NBPF26: variants seen among roughly 807,000 people sequenced by gnomAD.
The protein encoded by NBPF26 is NBPF member 26.
In NBPF26, 79 loss-of-function variants were observed where a neutral mutation model predicts 119.6. That is an observed-to-expected ratio of 0.66 (90% CI 0.55 to 0.80). The LOEUF (loss-of-function observed/expected upper bound fraction) is 0.80. Ranked by LOEUF, NBPF26 falls within the 30% of genes least tolerant of loss-of-function variation. NBPF26 has a pLI of 0.00. For missense variants in NBPF26, 800 were observed against 1,198.2 expected, an observed-to-expected ratio of 0.67 and a Z score of 4.91; for synonymous variants, 299 against 457.7, an observed-to-expected ratio of 0.65 and a Z score of 4.43.
At chr1:120,819,381 G>A (rs1234311774) in intron 15 of NBPF26, among the ~76,000 whole-genome samples, 2 of 111,144 alleles carry the variant, frequency 1.8e-5, no homozygotes, top group Non-Finnish European at 3.4e-5. Flanking sequence ...GTCTCTGCAT[G>A]TGAGATGGGT....
chr1:120,823,319 G>T lies in NBPF26; in HGVS notation c.2598G>T (p.Trp866Cys). The change falls in exon 17 of 30, where the codon TGG (tryptophan) becomes TGT (cysteine). Residue 866 changes from tryptophan (W) to cysteine (C), a missense_variant. Transcript: ENST00000620612. ...TGAATTTATTTGCAGGACATCGGTGGGATCAAGTGAAAAAGGAGGACCACG... is the reference window on the plus strand; with the variant it reads ...TGAATTTATTTGCAGGACATCGGTGTGATCAAGTGAAAAAGGAGGACCACG... 4 of 1,408,744 alleles carry T rather than the reference G, an allele frequency of 2.8e-6. 1 individual carries two copies. The highest frequency in any genetic ancestry group is 3.8e-5 in the Admixed American group (2 of 51,956). 87.3% of individuals were successfully genotyped at this position (1,408,744 alleles called of 1,614,324 possible).
Position 120,804,776 on chromosome 1 carries a change from TAAGA to T in NBPF26, c.752-774_752-771del, listed in dbSNP as rs1264035140. On this transcript the variant is annotated intron_variant, in intron 4 of 29. Transcript: ENST00000620612. ...ATGAAAACCCAAGAAGGTGCCCCAG[TAAGA>T]AAGAAGAAATCAATCTAACAATGGG... 2.6e-5 allele frequency among the ~76,000 whole-genome samples: 3 copies of T among 116,912 alleles called. 1 individual carries two copies. The highest frequency in any genetic ancestry group is 4.9e-5 in the African/African-American group (1 of 20,238). 76.7% of individuals were successfully genotyped at this position (116,912 alleles called of 152,430 possible).
At chr1:120,811,075 C>A (rs1263608787) in intron 9 of NBPF26, among the ~76,000 whole-genome samples, 1 of 93,732 alleles carries the variant, frequency 1.1e-5, no homozygotes, top group Non-Finnish European at 2.0e-5. Context: ...CCCGTCTTTA[C>A]TAAAAATACA....
intron 15 of NBPF26, among the ~76,000 whole-genome samples, chr1:120,820,446 AAATATATATAT>A (rs1460353016): frequency 3.6e-4 from 8 of 22,150 alleles, no homozygotes; most frequent in Admixed American, 2.0e-3. Context: ...AAAGTATTAA[AAATATATATAT>A]ATATATATAT....
intron 9 of NBPF26, 138 bp downstream of exon 9, chr1:120,810,696 A>G: frequency 8.4e-6 from 9 of 1,074,824 alleles, no homozygotes; most frequent in South Asian, 2.8e-5. Context: ...ACTCACACAT[A>G]TAATCACAGC....
chr1:120,812,917 CTAAAAATAATAA>C (rs1455531778), intron 10 of NBPF26, among the ~76,000 whole-genome samples: 434 of 84,456 alleles, frequency 5.1e-3, no homozygotes, highest in Non-Finnish European at 7.1e-3. Context: ...GGCAAGACTG[CTAAAAATAATAA>C]TAATAATAAT....
At chr1:120,801,572 G>A (rs1375242714) in intron 4 of NBPF26, among the ~76,000 whole-genome samples, 2 of 95,438 alleles carry the variant, frequency 2.1e-5, no homozygotes, top group African/African-American at 7.0e-5. Context: ...GTTTACTCCT[G>A]TAATCCCAGC....
intron 2 of NBPF26, among the ~76,000 whole-genome samples, chr1:120,778,439 C>T (rs1179771168): frequency 9.0e-6 from 1 of 111,650 alleles, no homozygotes; most frequent in Admixed American, 8.6e-5. Flanking sequence ...CCGACGCAAC[C>T]CACATGAGAC....
chr1:120,823,711 C>T lies in NBPF26; in HGVS notation c.2640-263C>T, dbSNP rs1205206828. ...CACAAATACAGAGTGTCCTTTGACT[C>T]CCTCATCAGTGTGTCACCTGACCAA... On this transcript the variant is annotated intron_variant, in intron 17 of 29. Coordinates refer to ENST00000620612, the Ensembl canonical transcript of NBPF26. Among the ~76,000 whole-genome samples the T allele has an allele frequency of 2.6e-5, 3 of 113,362 alleles. 1 individual carries two copies. The highest frequency in any genetic ancestry group is 5.2e-5 in the Non-Finnish European group (3 of 57,828). The allele number at this position is 113,362 out of a possible 152,430, so 74.4% of individuals were successfully genotyped here.
rs1651967945 is a variant in NBPF26 at position 120,814,733 on chromosome 1, T to G, written c.1878-96T>G. The G allele has an allele frequency of 4.1e-6, 3 of 733,630 alleles. No individual in the cohort carries two copies. In the South Asian group the frequency reaches 4.5e-5, roughly 11 times the overall value. 45.4% of individuals were successfully genotyped at this position (733,630 alleles called of 1,614,324 possible). On this transcript the variant is annotated intron_variant, in intron 11 of 29. Coordinates refer to ENST00000620612, the Ensembl canonical transcript of NBPF26. ...TGTGCTGACCTTCTGCTTCGAGGTC[T>G]CCTTGAGGACATTGTCTCAGAAATC...
At chr1:120,811,084 C>CAA (rs1271078942) in intron 9 of NBPF26, among the ~76,000 whole-genome samples, 2,657 of 83,236 alleles carry the variant, frequency 0.032, 494 homozygotes, top group East Asian at 0.082. Flanking sequence ...ACTAAAAATA[C>CAA]AAAAAAAAAA....
intron 1 of NBPF26, 37 bp from the exon 2 acceptor site, chr1:120,763,591 T>G: frequency 1.1e-6 from 1 of 899,892 alleles, no homozygotes; most frequent in East Asian, 2.6e-5. Context: ...TTATGATTAG[T>G]GACTTACTTC....
rs1317166382 is a variant in NBPF26 at position 120,805,109 on chromosome 1, C to A, written c.752-447C>A. Among the ~76,000 whole-genome samples the A allele has an allele frequency of 4.0e-5, 5 of 124,654 alleles. 1 individual carries two copies. Among genetic ancestry groups the A allele is most frequent in the African/African-American group, 1.9e-4 (5 of 25,924 alleles). 81.8% of individuals were successfully genotyped at this position (124,654 alleles called of 152,430 possible). A position where few individuals can be genotyped will look rare whatever the true frequency, so the allele number is the denominator to read the frequency against. On this transcript the variant is annotated intron_variant, in intron 4 of 29. Coordinates refer to ENST00000620612, the Ensembl canonical transcript of NBPF26. ...ATGCTTAGATGTATTGGGAAAGACA[C>A]GGGTCTGTGGCATTGTCAACAAGGG...
At position 120,792,502 on chromosome 1, in the gene NBPF26, G is replaced by T. The variant is rs1277255144; in HGVS notation, c.416-659G>T. ...AGTTCACTAGGAAAACAGAAGGGAAGTTGATTTTTTTTTTTTTGAAATAGA... is the reference window on the plus strand; with the variant it reads ...AGTTCACTAGGAAAACAGAAGGGAATTTGATTTTTTTTTTTTTGAAATAGA... On this transcript the variant is annotated intron_variant, in intron 3 of 29. Coordinates refer to ENST00000620612, the Ensembl canonical transcript of NBPF26. 3.7e-5 allele frequency among the ~76,000 whole-genome samples: 4 copies of T among 107,428 alleles called. 1 individual carries two copies. Among genetic ancestry groups the T allele is most frequent in the Non-Finnish European group, 7.0e-5 (4 of 57,226 alleles). The allele number at this position is 107,428 out of a possible 152,430, so 70.5% of individuals were successfully genotyped here. A position where few individuals can be genotyped will look rare whatever the true frequency, so the allele number is the denominator to read the frequency against.
In NBPF26 at chr1:120,804,261, G is replaced by A. The variant is rs1194723515; in HGVS notation, c.752-1295G>A. Among the ~76,000 whole-genome samples the A allele has an allele frequency of 2.9e-4, 30 of 104,998 alleles. 6 individuals carry two copies. The highest frequency in any genetic ancestry group is 1.8e-3 in the East Asian group (8 of 4,380). The allele number at this position is 104,998 out of a possible 152,430, so 68.9% of individuals were successfully genotyped here. On this transcript the variant is annotated intron_variant, in intron 4 of 29. Transcript: ENST00000620612. Reference sequence around the variant, plus strand: ...GTAGGTGGGGATGAAAGCTGAGAAAGCGAAGAGGTGGTTCAGAGGATCACT... The same window carrying A: ...GTAGGTGGGGATGAAAGCTGAGAAAACGAAGAGGTGGTTCAGAGGATCACT...
At chr1:120,790,535 C>CTTTCTTT (rs1553268602) in intron 3 of NBPF26, among the ~76,000 whole-genome samples, 1 of 76,630 alleles carries the variant, frequency 1.3e-5, no homozygotes, top group Non-Finnish European at 2.3e-5. Context: ...TTTCTCCCTC[C>CTTTCTTT]CTTTCTTTCT....
rs1651401956 is a variant in NBPF26 at position 120,784,694 on chromosome 1, G to A, written c.156-280G>A. Among the ~76,000 whole-genome samples the A allele has an allele frequency of 1.7e-5, 2 of 117,274 alleles. 1 individual carries two copies. Among genetic ancestry groups the A allele is most frequent in the Admixed American group, 1.6e-4 (2 of 12,282 alleles). The allele number at this position is 117,274 out of a possible 152,430, so 76.9% of individuals were successfully genotyped here. ...CACAGCACTTAACTCCATCTATTGT[G>A]CATCTTTTACTTAGTAATTTTGTTT... On this transcript the variant is annotated intron_variant, in intron 2 of 29. Coordinates refer to ENST00000620612, the Ensembl canonical transcript of NBPF26.
Position 120,727,822 on chromosome 1 carries a change from C to G in NBPF26, c.73+3572C>G, listed in dbSNP as rs1199724170. ...GTTTTTGTTTCCCCCCCTTTCTCTGCAAATGACTTGAAACCAAAAGGTCTT... is the reference window on the plus strand; with the variant it reads ...GTTTTTGTTTCCCCCCCTTTCTCTGGAAATGACTTGAAACCAAAAGGTCTT... On this transcript the variant is annotated intron_variant, in intron 1 of 29. Transcript: ENST00000620612. Among the ~76,000 whole-genome samples, 6 of 117,478 alleles carry G rather than the reference C, an allele frequency of 5.1e-5. 3 individuals carry two copies. Among genetic ancestry groups the G allele is most frequent in the African/African-American group, 2.0e-4 (4 of 20,122 alleles). 77.1% of individuals were successfully genotyped at this position (117,478 alleles called of 152,430 possible). A position where few individuals can be genotyped will look rare whatever the true frequency, so the allele number is the denominator to read the frequency against.
intron 1 of NBPF26, among the ~76,000 whole-genome samples, chr1:120,724,821 G>C (rs1650800536): frequency 1.1e-5 from 1 of 92,256 alleles, no homozygotes; most frequent in Non-Finnish European, 2.1e-5. Flanking sequence ...CCCACCGAAA[G>C]TCCGGGGGAG....
Sources: allele counts gnomAD v4.1 joint callset (sites outside exome capture counted in the v4.1 genomes callset), GRCh38; gene constraint gnomAD v4.1.1; transcripts MANE v1.5; gene names NCBI Gene and HGNC (gene_info 2026-07-23, HGNC 2026-07-21).